Variants in SHANK2 observed in about 807,000 individuals in gnomAD.
SHANK2 encodes SH3 and multiple ankyrin repeat domains 2, also known as SH3 and multiple ankyrin repeat domains protein 2.
SHANK2 carries 43 observed loss-of-function variants against 133.7 expected under a neutral mutation model. The observed-to-expected ratio is 0.32, with a 90% confidence interval of 0.25 to 0.41. SHANK2 has a LOEUF of 0.41. Among genes scored for constraint, SHANK2 ranks in the 10% least tolerant of loss-of-function variants. The pLI, the probability that SHANK2 is intolerant of heterozygous loss-of-function variation, is 1.00. For synonymous variants in SHANK2, 1,017 were observed against 952.8 expected (o/e 1.07, Z -1.24); for missense variants, 1,994 against 2,235.8 (o/e 0.89, Z 2.18).
chr11:70,858,718 C>T (rs1949208588), intron 11 of SHANK2, among the ~76,000 whole-genome samples: 1 of 152,258 alleles, frequency 6.6e-6, no homozygotes, highest in South Asian at 2.1e-4. Flanking sequence ...TGATTTAGAA[C>T]ATGAGGCTCA....
chr11:71,161,481 T>C (rs1319639918), intron 2 of SHANK2, among the ~76,000 whole-genome samples: 3 of 152,226 alleles, frequency 2.0e-5, no homozygotes, highest in African/African-American at 4.8e-5. Flanking sequence ...ATTTACCCTC[T>C]ATTCTCCCTG....
intron 17 of SHANK2, among the ~76,000 whole-genome samples, chr11:70,595,349 A>G (rs1337802936): frequency 2.0e-5 from 3 of 152,246 alleles, no homozygotes; most frequent in African/African-American, 7.2e-5. Context: ...TTTGTTAAAA[A>G]TACGCAGCAC....
intron 17 of SHANK2, among the ~76,000 whole-genome samples, chr11:70,516,937 G>C (rs1407404872): frequency 2.0e-5 from 3 of 152,176 alleles, no homozygotes; most frequent in Admixed American, 1.3e-4. Context: ...GCCGGGCATG[G>C]TGGCACACAT....
chr11:70,822,862 T>C (rs1590725059), intron 11 of SHANK2, among the ~76,000 whole-genome samples: 1 of 78,322 alleles, frequency 1.3e-5, no homozygotes, highest in Non-Finnish European at 2.4e-5. Context: ...TTGGCAGAGG[T>C]CACGGGGGGC....
chr11:71,162,823 A>G (rs1555110119), intron 2 of SHANK2, among the ~76,000 whole-genome samples: 1 of 152,050 alleles, frequency 6.6e-6, no homozygotes, highest in Non-Finnish European at 1.5e-5. Flanking sequence ...CTGTTATCCC[A>G]GCACTTTGGG....
At chr11:70,910,730 C>T (rs1417353380) in intron 10 of SHANK2, among the ~76,000 whole-genome samples, 1 of 151,958 alleles carries the variant, frequency 6.6e-6, no homozygotes, top group East Asian at 1.9e-4. Context: ...TCACTTGAAC[C>T]CGGGAGGCAG....
chr11:70,605,257 T>C (rs1591638988), intron 17 of SHANK2, among the ~76,000 whole-genome samples: 1 of 152,354 alleles, frequency 6.6e-6, no homozygotes, highest in Non-Finnish European at 1.5e-5. Context: ...CACTCCATCG[T>C]TGTGAGCCCC....
At chr11:70,778,981 G>A (rs1485899498) in intron 14 of SHANK2, among the ~76,000 whole-genome samples, 2 of 152,084 alleles carry the variant, frequency 1.3e-5, no homozygotes, top group Non-Finnish European at 2.9e-5. Context: ...GAGAAAAAAA[G>A]GACAGGGTTG....
At position 70,473,574 on chromosome 11, in the gene SHANK2, A is replaced by G. The variant is rs987520256; in HGVS notation, c.4980-135T>C. 33 of 869,966 alleles carry G rather than the reference A, an allele frequency of 3.8e-5. No homozygotes were observed. The Admixed American group carries it at 6.2e-4, about 16-fold the overall frequency. The allele number at this position is 869,966 out of a possible 1,614,324, so 53.9% of individuals were successfully genotyped here. A position where few individuals can be genotyped will look rare whatever the true frequency, so the allele number is the denominator to read the frequency against. On this transcript the variant is annotated intron_variant, in intron 25 of 25. Coordinates refer to ENST00000601538, the MANE Select transcript of SHANK2 (RefSeq NM_012309.5). The surrounding 1 kb of genome is among the most constrained non-coding windows in gnomAD (Gnocchi z 5.9). ...TCTAGTGGCAGATCCACTGGCAGTG[A>G]ACGAATGATTTGCCATGCCAGGGTG...
chr11:70,683,380 C>T lies in SHANK2; in HGVS notation c.1853+15308G>A, dbSNP rs1026650676. Among the ~76,000 whole-genome samples, 21 of 152,194 alleles carry T rather than the reference C, an allele frequency of 1.4e-4. 1 individual carries two copies. The highest frequency in any genetic ancestry group is 5.1e-4 in the African/African-American group (21 of 41,448). ...TAATTCAGCAACATGCCCTCTTCCC[C>T]ACCCAATCCGTGCTGCTTTTAACAC... is the stretch of plus-strand genomic sequence containing the variant. On this transcript the variant is annotated intron_variant, in intron 15 of 25. Coordinates refer to ENST00000601538, the MANE Select transcript of SHANK2 (RefSeq NM_012309.5).
At chr11:71,096,994 G>A (rs1951626565) in intron 6 of SHANK2, among the ~76,000 whole-genome samples, 1 of 152,196 alleles carries the variant, frequency 6.6e-6, no homozygotes, top group Admixed American at 6.5e-5. Flanking sequence ...AAAGGTGGCT[G>A]CATAAACGCA....
intron 17 of SHANK2, among the ~76,000 whole-genome samples, chr11:70,573,623 C>T (rs1554983603): frequency 6.6e-6 from 1 of 151,994 alleles, no homozygotes; most frequent in African/African-American, 2.4e-5. Flanking sequence ...AAGATGACCC[C>T]AGTGGCCCCT....
At chr11:70,674,411 T>C (rs782739705) in intron 15 of SHANK2, among the ~76,000 whole-genome samples, 9 of 152,142 alleles carry the variant, frequency 5.9e-5, no homozygotes, top group Non-Finnish European at 7.4e-5. Context: ...CAGCTTGGCA[T>C]GATCTTGGCT....
chr11:70,823,439 G>A (rs1555056533), intron 11 of SHANK2, among the ~76,000 whole-genome samples: 1 of 134,452 alleles, frequency 7.4e-6, no homozygotes, highest in African/African-American at 2.9e-5. Flanking sequence ...AGGTGTCATT[G>A]GCAGAGGTCA....
intron 14 of SHANK2, among the ~76,000 whole-genome samples, chr11:70,729,332 C>T (rs1946235473): frequency 1.3e-5 from 2 of 152,066 alleles, no homozygotes; most frequent in Admixed American, 6.5e-5. Context: ...TCCAGATACA[C>T]ATGTCCACAG....
At chr11:70,502,730 T>TGGGGGGGGGGGGGGGGGGGGGGGCGGGGG in intron 18 of SHANK2, 66 bp downstream of exon 18, 1 of 772,456 alleles carries the variant, frequency 1.3e-6, no homozygotes, top group East Asian at 5.3e-5. Context: ...CCAGCTGTCC[T>TGGGGGGGGGGGGGGGGGGGGGGGCGGGGG]GCCCGCCCCC....
intron 15 of SHANK2, among the ~76,000 whole-genome samples, chr11:70,697,079 A>G (rs1342983810): frequency 6.6e-6 from 1 of 152,236 alleles, no homozygotes; most frequent in Non-Finnish European, 1.5e-5. Flanking sequence ...ATAGAGACAG[A>G]AAGTAGACAG....
chr11:71,109,727 G>A (rs1236325108), intron 6 of SHANK2, among the ~76,000 whole-genome samples: 4 of 152,258 alleles, frequency 2.6e-5, no homozygotes, highest in African/African-American at 9.6e-5. Context: ...CCGTGCTCCA[G>A]GCCCCACGCA....
At chr11:70,754,110 C>A (rs1300086910) in intron 14 of SHANK2, among the ~76,000 whole-genome samples, 1 of 152,224 alleles carries the variant, frequency 6.6e-6, no homozygotes, top group African/African-American at 2.4e-5. Flanking sequence ...CTACGCCTGA[C>A]AATTGTGTAG....
Sources: allele counts gnomAD v4.1 joint callset (sites outside exome capture counted in the v4.1 genomes callset), GRCh38; gene constraint gnomAD v4.1.1; non-coding constraint Gnocchi (gnomAD v3.1); transcripts MANE v1.5; gene names NCBI Gene and HGNC (gene_info 2026-07-23, HGNC 2026-07-21).